MDN1: variants seen among roughly 807,000 people sequenced by gnomAD.
MDN1 encodes midasin AAA ATPase 1.
Under a neutral mutation model 669.2 loss-of-function variants are expected in MDN1, and 266 were observed. The ratio of observed to expected loss-of-function variants is 0.40; its 90% CI spans 0.36 to 0.44. The LOEUF (loss-of-function observed/expected upper bound fraction) is 0.44, where lower values mean the gene tolerates loss of function less well. MDN1 is among the 20% of genes least tolerant of loss of function. The pLI is 1.00. For synonymous variants in MDN1, 2,385 were observed against 2,457.1 expected (o/e 0.97, Z 0.87); for missense variants, 5,940 against 6,754.0 (o/e 0.88, Z 4.22).
Position 89,707,408 on chromosome 6 carries a change from T to C in MDN1, c.7967A>G (p.Lys2656Arg), listed in dbSNP as rs1400982750. Residue 2656 changes from lysine (K) to arginine (R), a missense_variant, in exon 52 of 102, where the codon AAA becomes AGA. Lys to Arg is a conservative substitution (Grantham distance 26, BLOSUM62 2). This residue lies in a region of MDN1 where 2,292 missense variants were observed against 2,638.3 expected (regional missense o/e 0.87). Coordinates refer to ENST00000369393, the MANE Select transcript of MDN1 (RefSeq NM_014611.3). ...TEANLVSVGS[K>R]KLRESVLRMS... Reference sequence around the variant, plus strand: ...TCTCAAAACACTCTCTCTTAGCTTTTTGCTACCAACAGAAACCAAATTTGC... The same window carrying C: ...TCTCAAAACACTCTCTCTTAGCTTTCTGCTACCAACAGAAACCAAATTTGC... 17 of 1,614,052 alleles carry C rather than the reference T, an allele frequency of 1.1e-5. No individual in the cohort carries two copies. Among genetic ancestry groups the C allele is most frequent in the Admixed American group, 1.7e-5 (1 of 60,026 alleles).
intron 88 of MDN1, among the ~76,000 whole-genome samples, chr6:89,661,075 G>A (rs569185370): frequency 4.6e-5 from 7 of 152,226 alleles, no homozygotes; most frequent in East Asian, 1.9e-4. Flanking sequence ...TGGACTCCAC[G>A]ACAGCTTGGT....
At position 89,700,684 on chromosome 6, in the gene MDN1, A is replaced by G; in HGVS notation, c.8600T>C (p.Leu2867Pro). ...LKKSLLQAWG[L>P]ILRANILEDV... ...TTCCAAAATATTTGCTCTGAGGATCAGTCCCCAGGCTTGCAGGAGACTTTT... is the reference window on the plus strand; with the variant it reads ...TTCCAAAATATTTGCTCTGAGGATCGGTCCCCAGGCTTGCAGGAGACTTTT... Residue 2867 changes from leucine (L) to proline (P), a missense_variant, in exon 56 of 102, where the codon CTG becomes CCG. Leu to Pro is a moderately conservative substitution (Grantham distance 98). Coordinates refer to ENST00000369393, the MANE Select transcript of MDN1 (RefSeq NM_014611.3). 6.2e-7 allele frequency: 1 copy of G among 1,614,246 alleles called. No individual in the cohort carries two copies. The highest frequency in any genetic ancestry group is 8.5e-7 in the Non-Finnish European group (1 of 1,180,038).
At chr6:89,743,089 GA>G (rs369676011) in intron 31 of MDN1, 60 bp downstream of exon 31, 18,351 of 1,119,410 alleles carry the variant, frequency 0.016, no homozygotes, top group East Asian at 0.022. Flanking sequence ...GTCTCAGGGA[GA>G]AAAAAAAAAA....
At chr6:89,684,267 C>T (rs538503650) in intron 71 of MDN1, among the ~76,000 whole-genome samples, 20 of 152,046 alleles carry the variant, frequency 1.3e-4, no homozygotes, top group Admixed American at 2.6e-4. Flanking sequence ...TGCTTGAACC[C>T]GGGAGGCAAA....
chr6:89,690,914 C>T, intron 63 of MDN1, 80 bp from the exon 64 acceptor site: 1 of 1,487,590 alleles, frequency 6.7e-7, no homozygotes, highest in Non-Finnish European at 9.1e-7. Context: ...ATTAATTTCT[C>T]ATGAAAATGA....
At chr6:89,651,672 A>T (rs1350184399) in intron 95 of MDN1, among the ~76,000 whole-genome samples, 1 of 152,194 alleles carries the variant, frequency 6.6e-6, no homozygotes, top group Non-Finnish European at 1.5e-5. Context: ...AACACACTCA[A>T]CACAAAGCCC....
Position 89,803,642 on chromosome 6 carries a change from T to C in MDN1, c.103-88A>G. 3 of 960,952 alleles carry C rather than the reference T, an allele frequency of 3.1e-6. No homozygotes were observed. In the South Asian group the frequency reaches 4.7e-5, roughly 15 times the overall value. The allele number at this position is 960,952 out of a possible 1,614,324, so 59.5% of individuals were successfully genotyped here. A position where few individuals can be genotyped will look rare whatever the true frequency, so the allele number is the denominator to read the frequency against. The stretch of plus-strand genomic sequence containing the variant: ...TGTCGCCCAGGAGCAAGTGCAGTGG[T>C]GCAATCTCAGCTCACTGCAAGCTCC... On this transcript the variant is annotated intron_variant, in intron 1 of 101. Transcript: ENST00000369393.
At chr6:89,652,491 A>C (rs1465344606) in intron 94 of MDN1, among the ~76,000 whole-genome samples, 1 of 152,262 alleles carries the variant, frequency 6.6e-6, no homozygotes, top group African/African-American at 2.4e-5. Context: ...ATGGATAAAG[A>C]AAACTTTAAA....
At position 89,745,846 on chromosome 6, in the gene MDN1, C is replaced by T. The variant is rs571797831; in HGVS notation, c.3905-220G>A. Among the ~76,000 whole-genome samples, 12 of 152,186 alleles carry T rather than the reference C, an allele frequency of 7.9e-5. 1 individual carries two copies. In the South Asian group the frequency reaches 1.9e-3, roughly 24 times the overall value. On this transcript the variant is annotated intron_variant, in intron 27 of 101. Transcript: ENST00000369393. ...CAAACACCAATGAACATGTGTGTGT[C>T]GAAAGACATAAGCAGGAATGTTCAG...
intron 2 of MDN1, among the ~76,000 whole-genome samples, chr6:89,795,808 CG>C (rs1819562006): frequency 6.6e-6 from 1 of 151,690 alleles, no homozygotes; most frequent in Non-Finnish European, 1.5e-5. Flanking sequence ...CAAAATTAGC[CG>C]GGCATGGTGG....
At chr6:89,754,326 A>T (rs1817119098) in intron 20 of MDN1, 96 bp from the exon 21 acceptor site, 5 of 1,300,502 alleles carry the variant, frequency 3.8e-6, no homozygotes, top group Non-Finnish European at 5.3e-6. Flanking sequence ...TTTTTAGATC[A>T]GAAATGATCA....
chr6:89,648,337 T>A lies in MDN1; in HGVS notation c.16207-8A>T. On this transcript the variant is annotated splice_polypyrimidine_tract_variant and splice_region_variant and intron_variant, in intron 97 of 101. Transcript: ENST00000369393. ...CAAAGATTCAAATGCAAGCTGTGAATTAGAAAGTTAATGATTTTAGGAATC... is the reference window on the plus strand; with the variant it reads ...CAAAGATTCAAATGCAAGCTGTGAAATAGAAAGTTAATGATTTTAGGAATC... The A allele has an allele frequency of 1.2e-6, 2 of 1,613,142 alleles. 1 individual carries two copies. Among genetic ancestry groups the A allele is most frequent in the Non-Finnish European group, 1.7e-6 (2 of 1,179,118 alleles).
chr6:89,747,484 A>C lies in MDN1; in HGVS notation c.3763-14T>G. On this transcript the variant is annotated splice_polypyrimidine_tract_variant and intron_variant, in intron 26 of 101. Coordinates refer to ENST00000369393, the MANE Select transcript of MDN1 (RefSeq NM_014611.3). ...TCTGCGATAGGACTGTTGAAGTATC[A>C]AAACAAATGAAAAGGGGCATCAGCT... The C allele has an allele frequency of 1.2e-6, 2 of 1,607,630 alleles. No individual in the cohort carries two copies. Among genetic ancestry groups the C allele is most frequent in the Non-Finnish European group, 8.5e-7 (1 of 1,178,192 alleles).
intron 95 of MDN1, among the ~76,000 whole-genome samples, chr6:89,651,599 G>C (rs1003154975): frequency 6.6e-6 from 1 of 152,174 alleles, no homozygotes; most frequent in African/African-American, 2.4e-5. Flanking sequence ...CGGGGCAAGA[G>C]AGCAAGACTC....
At chr6:89,659,272 C>T (rs936197147) in intron 88 of MDN1, among the ~76,000 whole-genome samples, 3 of 152,170 alleles carry the variant, frequency 2.0e-5, no homozygotes, top group African/African-American at 7.2e-5. Context: ...ACTCAGCAGG[C>T]CGAGGCAGGA....
intron 28 of MDN1, 37 bp from the exon 29 acceptor site, chr6:89,745,448 G>A (rs1816557137): frequency 6.2e-7 from 1 of 1,613,768 alleles, no homozygotes; most frequent in Non-Finnish European, 8.5e-7. Context: ...ATTCTAATGA[G>A]TACAACTCAA....
intron 83 of MDN1, among the ~76,000 whole-genome samples, chr6:89,670,170 A>ATATATATATATATATATAT (rs1444537561): frequency 4.3e-5 from 1 of 23,414 alleles, no homozygotes; most frequent in African/African-American, 2.6e-4. Context: ...ATATATATAT[A>ATATATATATATATATATAT]TTTTTTTTTT....
At chr6:89,725,455 A>C (rs1815155140) in intron 37 of MDN1, 59 bp from the exon 38 acceptor site, 8 of 1,386,030 alleles carry the variant, frequency 5.8e-6, no homozygotes, top group Non-Finnish European at 8.2e-6. Flanking sequence ...TGCAACAAAA[A>C]GCAGGGGAAT....
intron 21 of MDN1, 77 bp from the exon 22 acceptor site, chr6:89,753,699 T>G: frequency 8.3e-7 from 1 of 1,209,310 alleles, no homozygotes; most frequent in Non-Finnish European, 1.2e-6. Context: ...AGAACAAAAT[T>G]TAACCTCTTG....
Sources: allele counts gnomAD v4.1 joint callset (sites outside exome capture counted in the v4.1 genomes callset), GRCh38; gene constraint gnomAD v4.1.1; regional missense constraint gnomAD v4.1.1; transcripts MANE v1.5; gene names NCBI Gene and HGNC (gene_info 2026-07-23, HGNC 2026-07-21).